The following BCL9L variants were observed in gnomAD, a reference collection of about 807,000 sequenced individuals.
BCL9L encodes the protein B-cell CLL/lymphoma 9-like protein.
In BCL9L, 19 loss-of-function variants were observed where a neutral mutation model predicts 99.4. That is an observed-to-expected ratio of 0.19 (90% CI 0.13 to 0.28). BCL9L has a LOEUF of 0.28. BCL9L is among the 10% of genes least tolerant of loss of function. The probability of loss-of-function intolerance (pLI) is 1.00; values close to 1 mark genes in which losing one functional copy is unlikely to be tolerated. For missense variants in BCL9L, 2,023 were observed against 2,101.6 expected (o/e 0.96, Z 0.73); for synonymous variants, 900 against 854.8 (o/e 1.05, Z -0.92).
chr11:118,896,745 C>T lies in BCL9L; in HGVS notation c.*1670G>A, dbSNP rs965450364. 2 of 152,742 alleles carry T rather than the reference C, an allele frequency of 1.3e-5. No homozygotes were observed. The highest frequency in any genetic ancestry group is 2.9e-5 in the Non-Finnish European group (2 of 68,098). The allele number at this position is 152,742 out of a possible 1,614,324, so 9.5% of individuals were successfully genotyped here. On this transcript the variant is annotated 3_prime_UTR_variant, in exon 10 of 10. Transcript: ENST00000683865. ...CAGTGCAAGACCAGGCCCTCCAGGC[C>T]AGGAAGGCTAGGGACGGGTCCTGGT...
intron 9 of BCL9L, 124 bp downstream of exon 9, chr11:118,899,793 G>A (rs1940126869): frequency 1.5e-6 from 2 of 1,352,028 alleles, no homozygotes; most frequent in Non-Finnish European, 2.0e-6. Flanking sequence ...CAGCATCCCG[G>A]AGCCTCCACC....
chr11:118,917,950 G>A (rs987057549), intron 2 of BCL9L, among the ~76,000 whole-genome samples: 3 of 152,150 alleles, frequency 2.0e-5, no homozygotes, highest in Admixed American at 2.0e-4. Context: ...GGTGAGGGTG[G>A]AGTCCCAGCC....
In BCL9L at chr11:118,921,783, T is replaced by G. The variant is rs971884001; in HGVS notation, c.-130-2904A>C. Among the ~76,000 whole-genome samples the G allele has an allele frequency of 3.9e-5, 6 of 152,182 alleles. No homozygotes were observed. Among genetic ancestry groups the G allele is most frequent in the Non-Finnish European group, 7.4e-5 (5 of 67,978 alleles). On this transcript the variant is annotated intron_variant, in intron 1 of 9. Transcript: ENST00000683865. The surrounding 1 kb of genome is among the most constrained non-coding windows in gnomAD (Gnocchi z 5.4). ...GGGAACCTGTCTGTGTCCTTTCCCC[T>G]ACTCCTGGGCAGTGGTGACCACCTT...
At chr11:118,910,122 G>C in intron 2 of BCL9L, 107 bp from the exon 3 acceptor site, 1 of 744,478 alleles carries the variant, frequency 1.3e-6, no homozygotes, top group Middle Eastern at 3.2e-4. Context: ...GAGCTGGATA[G>C]GGTGGGGTGG....
At chr11:118,916,022 C>T (rs1309324322) in intron 2 of BCL9L, among the ~76,000 whole-genome samples, 2 of 152,200 alleles carry the variant, frequency 1.3e-5, no homozygotes, top group South Asian at 2.1e-4. Flanking sequence ...CATCTGAAAC[C>T]GGCCCCAGAG....
chr11:118,908,162 C>T (rs756300058), intron 4 of BCL9L, 108 bp downstream of exon 4: 21 of 1,413,218 alleles, frequency 1.5e-5, no homozygotes, highest in South Asian at 6.2e-5. Context: ...TGGAGAAGAA[C>T]GTGGGATGAG....
At position 118,900,157 on chromosome 11, in the gene BCL9L, G is replaced by A. The variant is rs1476311783; in HGVS notation, c.3166C>T (p.Pro1056Ser). 8 of 1,610,994 alleles carry A rather than the reference G, an allele frequency of 5.0e-6. No homozygotes were observed. In the Admixed American group the frequency reaches 1.3e-4, roughly 27 times the overall value. Reference protein sequence around the residue: ...PSGPRSSSSAPPANPPSGLMN... With the variant: ...PSGPRSSSSASPANPPSGLMN... ...AGGCCGCTGGGAGGGTTGGCGGGAG[G>A]TGCTGAGGAGCTGCTCCGGGGGCCG... The change falls in exon 9 of 10, where the codon CCT becomes TCT. Residue 1056 changes from proline to serine, a missense_variant. By Grantham distance (74) the Pro-to-Ser change is moderately conservative (BLOSUM62 -1). Around this residue, in one of 3 missense-constraint regions of BCL9L, gnomAD observed 902 missense variants for 888.2 expected, o/e 1.02. Coordinates refer to ENST00000683865, the MANE Select transcript of BCL9L (RefSeq NM_001378213.1). The surrounding 1 kb of genome is among the most constrained non-coding windows in gnomAD (Gnocchi z 5.3).
chr11:118,898,108 C>T lies in BCL9L; in HGVS notation c.*307G>A, dbSNP rs923060040. ...AAAAGCATAGCTGAAGGGGGTGTGG[C>T]GGGTGCAGGGATGCACGGAAAGAGG... is the stretch of plus-strand genomic sequence containing the variant. On this transcript the variant is annotated 3_prime_UTR_variant, in exon 10 of 10. Coordinates refer to ENST00000683865, the MANE Select transcript of BCL9L (RefSeq NM_001378213.1). The T allele has an allele frequency of 1.4e-5, 7 of 516,728 alleles. No individual in the cohort carries two copies. Among genetic ancestry groups the T allele is most frequent in the Middle Eastern group, 5.3e-4 (1 of 1,884 alleles). The allele number at this position is 516,728 out of a possible 1,614,324, so 32.0% of individuals were successfully genotyped here.
intron 5 of BCL9L, among the ~76,000 whole-genome samples, chr11:118,905,574 T>C (rs1047786720): frequency 6.7e-6 from 1 of 149,532 alleles, no homozygotes; most frequent in Non-Finnish European, 1.5e-5. Context: ...CCCAGCACTT[T>C]GGGGGGCTGA....
chr11:118,902,981 C>A lies in BCL9L; in HGVS notation c.834+9G>T. On this transcript the variant is annotated intron_variant, in intron 7 of 9. Coordinates refer to ENST00000683865, the MANE Select transcript of BCL9L (RefSeq NM_001378213.1). This position sits in a 1 kb window ranked among gnomAD's most constrained non-coding sequence, Gnocchi z 7.8. ...CCAGTCCTGCTGCTCACAGAGGCGC[C>A]ACGCTCACCTGGTCAAGCTTGGCCC... is the stretch of plus-strand genomic sequence containing the variant. 1 of 1,595,758 alleles carries A rather than the reference C, an allele frequency of 6.3e-7. No individual in the cohort carries two copies. Among genetic ancestry groups the A allele is most frequent in the Non-Finnish European group, 8.5e-7 (1 of 1,175,422 alleles).
rs1350924710 is a variant in BCL9L at position 118,901,546 on chromosome 11, G to T, written c.2197C>A (p.Leu733Met). 6.2e-7 allele frequency: 1 copy of T among 1,614,010 alleles called. No homozygotes were observed. The highest frequency in any genetic ancestry group is 8.5e-7 in the Non-Finnish European group (1 of 1,180,034). Reference protein sequence around the residue: ...FPGQMAGGEGLAGTPMGMEFG... With the variant: ...FPGQMAGGEGMAGTPMGMEFG... Reference sequence around the variant, plus strand: ...TCCATGCCCATGGGAGTGCCCGCCAGGCCCTCACCACCAGCCATCTGCCCG... The same window carrying T: ...TCCATGCCCATGGGAGTGCCCGCCATGCCCTCACCACCAGCCATCTGCCCG... The change falls in exon 8 of 10, where the codon CTG becomes ATG. Residue 733 changes from leucine (L) to methionine (M), a missense_variant. By Grantham distance (15) the Leu-to-Met change is conservative. Around this residue, in one of 3 missense-constraint regions of BCL9L, gnomAD observed 1,116 missense variants for 1,194.6 expected, o/e 0.93. Transcript: ENST00000683865. This position sits in a 1 kb window ranked among gnomAD's most constrained non-coding sequence, Gnocchi z 6.6.
chr11:118,912,916 C>T (rs1027116080), intron 2 of BCL9L, among the ~76,000 whole-genome samples: 3 of 152,264 alleles, frequency 2.0e-5, no homozygotes, highest in Admixed American at 2.0e-4. Context: ...GCGCCCGAGA[C>T]GACAGGGTCC....
At chr11:118,918,046 G>A (rs983710366) in intron 2 of BCL9L, among the ~76,000 whole-genome samples, 4 of 152,172 alleles carry the variant, frequency 2.6e-5, no homozygotes, top group African/African-American at 9.7e-5. Flanking sequence ...CCACTTCCTT[G>A]GTGTCCCTTG....
rs374076862 is a variant in BCL9L, at chr11:118,901,006, G to A, written c.2737C>T (p.Arg913Trp). 2.6e-6 allele frequency: 4 copies of A among 1,554,960 alleles called. No homozygotes were observed. Among genetic ancestry groups the A allele is most frequent in the Non-Finnish European group, 2.6e-6 (3 of 1,149,852 alleles). ...ATACTGATGGTGAGGTCCGAAGGCC[G>A]CCTGCCTAGCCCCCGGTTTGGGGCT... is the stretch of plus-strand genomic sequence containing the variant. Reference protein sequence around the residue: ...HSAPNRGLGRRPSDLTISINQ... With the variant: ...HSAPNRGLGRWPSDLTISINQ... The change falls in exon 8 of 10, where the codon CGG becomes TGG. Residue 913 changes from arginine to tryptophan, a missense_variant. Around this residue, in one of 3 missense-constraint regions of BCL9L, gnomAD observed 902 missense variants for 888.2 expected, o/e 1.02. Transcript: ENST00000683865. The surrounding 1 kb of genome is among the most constrained non-coding windows in gnomAD (Gnocchi z 6.6).
chr11:118,916,860 C>T (rs749528485), intron 2 of BCL9L, among the ~76,000 whole-genome samples: 10 of 152,364 alleles, frequency 6.6e-5, no homozygotes, highest in Non-Finnish European at 1.3e-4. Flanking sequence ...AGGTCCCTGA[C>T]CCCTAGGCCA....
At chr11:118,909,100 C>A (rs373377251) in intron 3 of BCL9L, among the ~76,000 whole-genome samples, 5 of 152,358 alleles carry the variant, frequency 3.3e-5, no homozygotes, top group Admixed American at 6.5e-5. Context: ...AGAAGGGCCA[C>A]AGGACCTGGG....
In BCL9L at chr11:118,900,445, C is replaced by T. The variant is rs1240671623; in HGVS notation, c.3124+174G>A. Among the ~76,000 whole-genome samples, 2 of 152,128 alleles carry T rather than the reference C, an allele frequency of 1.3e-5. No homozygotes were observed. Among genetic ancestry groups the T allele is most frequent in the East Asian group, 1.9e-4 (1 of 5,178 alleles). ...TCACTCAAAATGCCTGGGAGACTCA[C>T]GTGGTACCCCCTGAGAAAGCCCACA... On this transcript the variant is annotated intron_variant, in intron 8 of 9. Transcript: ENST00000683865. The surrounding 1 kb of genome is among the most constrained non-coding windows in gnomAD (Gnocchi z 5.3).
Position 118,901,006 on chromosome 11 carries a change from G to T in BCL9L, c.2737C>A (p.Arg913=), listed in dbSNP as rs374076862. 111 of 1,555,078 alleles carry T rather than the reference G, an allele frequency of 7.1e-5. No individual in the cohort carries two copies. The highest frequency in any genetic ancestry group is 9.7e-5 in the Non-Finnish European group (111 of 1,149,844). Residue 913 remains arginine, a synonymous_variant, in exon 8 of 10, where the codon CGG becomes AGG. Transcript: ENST00000683865. This position sits in a 1 kb window ranked among gnomAD's most constrained non-coding sequence, Gnocchi z 6.6. ...HSAPNRGLGR[R]PSDLTISINQ... ...ATACTGATGGTGAGGTCCGAAGGCC[G>T]CCTGCCTAGCCCCCGGTTTGGGGCT...
chr11:118,913,476 G>A (rs1018710554), intron 2 of BCL9L, among the ~76,000 whole-genome samples: 1 of 152,306 alleles, frequency 6.6e-6, no homozygotes, highest in Admixed American at 6.5e-5. Context: ...TGTCAGTGTG[G>A]CCGGGCCTTG....
Sources: allele counts gnomAD v4.1 joint callset (sites outside exome capture counted in the v4.1 genomes callset), GRCh38; gene constraint gnomAD v4.1.1; regional missense constraint gnomAD v4.1.1; non-coding constraint Gnocchi (gnomAD v3.1); transcripts MANE v1.5; gene names NCBI Gene and HGNC (gene_info 2026-07-23, HGNC 2026-07-21).